CFAP54: variants seen among roughly 807,000 people sequenced by gnomAD.
CFAP54 encodes the protein cilia- and flagella-associated protein 54.
Under a neutral mutation model 370.4 loss-of-function variants are expected in CFAP54, and 290 were observed. That is an observed-to-expected ratio of 0.78 (90% confidence interval 0.71 to 0.86). The LOEUF (loss-of-function observed/expected upper bound fraction) is 0.86, where lower values mean the gene tolerates loss of function less well. Ranked by LOEUF, CFAP54 falls within the 40% of genes least tolerant of loss-of-function variation. CFAP54 has a pLI of 0.00. For synonymous variants in CFAP54, 1,206 were observed against 1,236.5 expected (o/e 0.98, Z 0.52); for missense variants, 3,399 against 3,528.7 (o/e 0.96, Z 0.93).
chr12:96,571,124 C>T (rs576665789), intron 19 of CFAP54, among the ~76,000 whole-genome samples: 2 of 152,296 alleles, frequency 1.3e-5, no homozygotes, highest in South Asian at 4.1e-4. Flanking sequence ...GTCACACCCT[C>T]AAGATTCCAT....
At chr12:96,521,722 A>G in intron 6 of CFAP54, 135 bp from the exon 7 acceptor site, 1 of 581,950 alleles carries the variant, frequency 1.7e-6, no homozygotes, top group Non-Finnish European at 2.9e-6. Flanking sequence ...GATAGACTGG[A>G]TAAAAGGAGT....
In CFAP54 at chr12:96,764,144, T is replaced by C. The variant is rs202159134; in HGVS notation, c.8041-7T>C. 3 of 1,595,848 alleles carry C rather than the reference T, an allele frequency of 1.9e-6. No homozygotes were observed. The highest frequency in any genetic ancestry group is 2.7e-5 in the African/African-American group (2 of 74,402). On this transcript the variant is annotated splice_region_variant and splice_polypyrimidine_tract_variant and intron_variant, in intron 58 of 67. Transcript: ENST00000524981. Reference sequence around the variant, plus strand: ...TTTATATCATAACACATTTGCCATATTTTTAGCCTCCTCTCAGAAGAAGTA... The same window carrying C: ...TTTATATCATAACACATTTGCCATACTTTTAGCCTCCTCTCAGAAGAAGTA...
intron 26 of CFAP54, among the ~76,000 whole-genome samples, chr12:96,605,945 G>C (rs764869152): frequency 2.0e-5 from 3 of 152,170 alleles, no homozygotes; most frequent in Non-Finnish European, 4.4e-5. Context: ...TGTAAGACAA[G>C]GTTTGTTGGG....
intron 61 of CFAP54, 30 bp downstream of exon 61, chr12:96,784,920 A>G (rs780434416): frequency 5.0e-5 from 69 of 1,382,696 alleles, no homozygotes; most frequent in Non-Finnish European, 6.0e-5. Context: ...AAGAGAGAAC[A>G]TATTTCTTTC....
At chr12:96,831,571 G>T (rs796091845) in intron 66 of CFAP54, among the ~76,000 whole-genome samples, 1 of 152,192 alleles carries the variant, frequency 6.6e-6, no homozygotes, top group African/African-American at 2.4e-5. Flanking sequence ...CTGTGACAGA[G>T]AGTGACAGGG....
At chr12:96,738,897 A>C (rs1592734862) in intron 50 of CFAP54, among the ~76,000 whole-genome samples, 1 of 152,332 alleles carries the variant, frequency 6.6e-6, no homozygotes, top group East Asian at 1.9e-4. Flanking sequence ...GGCGTGAGCC[A>C]CTGCACCCGG....
chr12:96,704,290 G>A (rs1957522015), intron 46 of CFAP54, among the ~76,000 whole-genome samples: 1 of 151,078 alleles, frequency 6.6e-6, no homozygotes, highest in East Asian at 1.9e-4. Flanking sequence ...AGCTGGACGT[G>A]GTGGCGGGCA....
intron 9 of CFAP54, 147 bp from the exon 10 acceptor site, chr12:96,533,645 C>A: frequency 7.8e-6 from 5 of 638,460 alleles, no homozygotes; most frequent in Non-Finnish European, 1.2e-5. Context: ...TATTTGCCCA[C>A]TAAGATTTCT....
intron 12 of CFAP54, 92 bp downstream of exon 12, chr12:96,535,692 G>A (rs1010244402): frequency 2.3e-5 from 17 of 748,926 alleles, no homozygotes; most frequent in Admixed American, 8.7e-5. Context: ...CAGGAATTAC[G>A]CCTTGCTAAA....
chr12:96,754,312 T>C (rs919368044), intron 56 of CFAP54, among the ~76,000 whole-genome samples: 2 of 152,212 alleles, frequency 1.3e-5, no homozygotes, highest in Non-Finnish European at 2.9e-5. Flanking sequence ...TGAAATTAAA[T>C]AGATATAGCA....
rs200805829 is a variant in CFAP54, at chr12:96,503,333, CCCTT to C, written c.424-541_424-538del. Among the ~76,000 whole-genome samples, 1,156 of 139,064 alleles carry C rather than the reference CCCTT, an allele frequency of 8.3e-3. 10 individuals are homozygous for C. The highest frequency in any genetic ancestry group is 0.018 in the Middle Eastern group (4 of 228). 91.2% of individuals were successfully genotyped at this position (139,064 alleles called of 152,430 possible). ...CCTTTCCTTTCCCTTCCCCTTCTTT[CCCTT>C]CCTTCCTTCCTGCCTTCCTCCCTCC... On this transcript the variant is annotated intron_variant, in intron 2 of 67. Coordinates refer to ENST00000524981, the MANE Select transcript of CFAP54 (RefSeq NM_001306084.2).
intron 26 of CFAP54, among the ~76,000 whole-genome samples, chr12:96,620,034 A>G (rs1189665878): frequency 1.3e-5 from 2 of 152,172 alleles, no homozygotes; most frequent in South Asian, 4.1e-4. Context: ...AAAAACTCAC[A>G]AAATTTATTT....
In CFAP54 at chr12:96,603,388, A is replaced by AT. The variant is rs565736965; in HGVS notation, c.3639+4627dup. Among the ~76,000 whole-genome samples, 476 of 152,008 alleles carry AT rather than the reference A, an allele frequency of 3.1e-3. 16 individuals carry two copies. In the South Asian group the frequency reaches 0.082, roughly 26 times the overall value. On this transcript the variant is annotated intron_variant, in intron 26 of 67. Transcript: ENST00000524981. ...ACCTTTCTCTCTGGCTGCCCTTAAC[A>AT]TTTTTTCCTTCATTTCAACTTTAGT...
intron 33 of CFAP54, among the ~76,000 whole-genome samples, chr12:96,644,832 G>C (rs1363625568): frequency 6.6e-6 from 1 of 152,110 alleles, no homozygotes; most frequent in Non-Finnish European, 1.5e-5. Flanking sequence ...CTTGACACGT[G>C]GGGATTATTA....
chr12:96,598,364 A>C (rs1246742172), intron 25 of CFAP54, among the ~76,000 whole-genome samples: 1 of 151,988 alleles, frequency 6.6e-6, no homozygotes, highest in Non-Finnish European at 1.5e-5. Context: ...TATACCTTTT[A>C]TGATACTTAT....
chr12:96,721,940 G>A (rs776618758), intron 50 of CFAP54, among the ~76,000 whole-genome samples: 1 of 152,144 alleles, frequency 6.6e-6, no homozygotes, highest in African/African-American at 2.4e-5. Flanking sequence ...AAAATCGTGT[G>A]GTTGTAATAA....
In CFAP54 at chr12:96,651,624, C is replaced by T. The variant is rs1200122910; in HGVS notation, c.4909C>T (p.Gln1637Ter). ...TCGTGGTGGCTATTGGACTCTGCTT[C>T]AGAACTGCTGTCGGGCCTTATGGAA... ...AHRGGYWTLL[Q>*]NCCRALWNFT... Residue 1637 changes from glutamine to a stop codon, truncating the protein, a stop_gained, in exon 36 of 68, where the codon CAG becomes TAG. Transcript: ENST00000524981. LOFTEE classifies it high-confidence loss of function. The T allele has an allele frequency of 6.2e-7, 1 of 1,614,156 alleles. No homozygotes were observed. Among genetic ancestry groups the T allele is most frequent in the Non-Finnish European group, 8.5e-7 (1 of 1,180,022 alleles).
At chr12:96,672,170 T>A (rs1280805105) in intron 39 of CFAP54, among the ~76,000 whole-genome samples, 1 of 151,920 alleles carries the variant, frequency 6.6e-6, no homozygotes, top group Admixed American at 6.6e-5. Context: ...AAAAAGCCAG[T>A]AAAGAGGGAG....
At chr12:96,673,021 C>T (rs1383883753) in intron 39 of CFAP54, among the ~76,000 whole-genome samples, 1 of 152,080 alleles carries the variant, frequency 6.6e-6, no homozygotes, top group Non-Finnish European at 1.5e-5. Flanking sequence ...AGTCAGGCTA[C>T]AGTAATCCTT....
Sources: allele counts gnomAD v4.1 joint callset (sites outside exome capture counted in the v4.1 genomes callset), GRCh38; gene constraint gnomAD v4.1.1; transcripts MANE v1.5; gene names NCBI Gene and HGNC (gene_info 2026-07-23, HGNC 2026-07-21).